CACNA2D3: variants seen among roughly 807,000 people sequenced by gnomAD.
The protein encoded by CACNA2D3 is calcium voltage-gated channel auxiliary subunit alpha2delta 3, also known as voltage-dependent calcium channel subunit alpha-2/delta-3.
Under a neutral mutation model 160.6 loss-of-function variants are expected in CACNA2D3, and 60 were observed. That is an observed-to-expected ratio of 0.37 (90% CI 0.30 to 0.46). The LOEUF (loss-of-function observed/expected upper bound fraction) is 0.46, where lower values mean the gene tolerates loss of function less well. Ranked by LOEUF, CACNA2D3 falls within the 20% of genes least tolerant of loss-of-function variation. The probability of loss-of-function intolerance (pLI) is 1.00; values close to 1 mark genes in which losing one functional copy is unlikely to be tolerated. For missense variants in CACNA2D3, 1,205 were observed against 1,365.0 expected (o/e 0.88, Z 1.85); for synonymous variants, 558 against 492.9 (o/e 1.13, Z -1.75).
intron 10 of CACNA2D3, among the ~76,000 whole-genome samples, chr3:54,637,086 C>T (rs1258240828): frequency 6.6e-6 from 1 of 151,942 alleles, no homozygotes; most frequent in Non-Finnish European, 1.5e-5. Flanking sequence ...AGGCACAGAT[C>T]CTGAACTAAC....
chr3:54,590,322 A>G (rs1291298164), intron 9 of CACNA2D3, among the ~76,000 whole-genome samples: 1 of 152,226 alleles, frequency 6.6e-6, no homozygotes, highest in South Asian at 2.1e-4. Flanking sequence ...AAAAAAGCCA[A>G]TATCAAAAGA....
intron 2 of CACNA2D3, among the ~76,000 whole-genome samples, chr3:54,287,730 C>G (rs1289452349): frequency 2.0e-5 from 3 of 146,618 alleles, no homozygotes; most frequent in Non-Finnish European, 3.0e-5. Context: ...AACTATCTCT[C>G]AGACCACAGT....
chr3:54,466,719 A>G (rs1270108417), intron 4 of CACNA2D3, among the ~76,000 whole-genome samples: 1 of 152,226 alleles, frequency 6.6e-6, no homozygotes, highest in East Asian at 1.9e-4. Flanking sequence ...CAATCTCATT[A>G]TAATGTTGTG....
chr3:55,073,707 C>A, intron 36 of CACNA2D3, 70 bp from the exon 37 acceptor site: 1 of 1,390,802 alleles, frequency 7.2e-7, no homozygotes, highest in Non-Finnish European at 1.0e-6. Context: ...TTGTCATTGC[C>A]AAATTTTGAC....
intron 5 of CACNA2D3, among the ~76,000 whole-genome samples, chr3:54,531,281 G>A (rs531468838): frequency 6.6e-6 from 1 of 152,294 alleles, no homozygotes; most frequent in Admixed American, 6.5e-5. Flanking sequence ...GATAAACTTG[G>A]GCCGGGACTT....
intron 2 of CACNA2D3, among the ~76,000 whole-genome samples, chr3:54,247,475 A>G (rs746138870): frequency 3.9e-5 from 6 of 152,262 alleles, no homozygotes; most frequent in Non-Finnish European, 8.8e-5. Context: ...GAAATAAAAA[A>G]TATTTTAGAA....
chr3:55,009,482 A>G (rs1328753909), intron 34 of CACNA2D3, 39 bp downstream of exon 34: 5 of 1,580,314 alleles, frequency 3.2e-6, no homozygotes, highest in African/African-American at 1.3e-5. Context: ...GCTTGGAGGG[A>G]TAAGCGCTGG....
rs574364402 is a variant in CACNA2D3, at chr3:54,567,252, A to G, written c.677-2543A>G. Among the ~76,000 whole-genome samples the G allele has an allele frequency of 3.3e-5, 5 of 152,320 alleles. No homozygotes were observed. The South Asian group carries it at 8.3e-4, about 25-fold the overall frequency. On this transcript the variant is annotated intron_variant, in intron 6 of 37. Coordinates refer to ENST00000474759, the MANE Select transcript of CACNA2D3 (RefSeq NM_018398.3). ...GTTTGACTGTAGCTTGACTCACATTAGAAGCCAGCATGTATTTTTGATCAG... is the reference window on the plus strand; with the variant it reads ...GTTTGACTGTAGCTTGACTCACATTGGAAGCCAGCATGTATTTTTGATCAG...
chr3:54,813,893 C>T (rs1343106465), intron 13 of CACNA2D3, among the ~76,000 whole-genome samples: 12 of 126,536 alleles, frequency 9.5e-5, no homozygotes, highest in Non-Finnish European at 9.5e-5. Context: ...GAGACAGGAT[C>T]TCACTCTGTC....
chr3:54,875,615 C>G (rs753850815), intron 18 of CACNA2D3: 3 of 152,194 alleles, frequency 2.0e-5, no homozygotes, highest in Non-Finnish European at 4.4e-5. Flanking sequence ...GAGTAGCAGA[C>G]TAACAATGAA....
intron 4 of CACNA2D3, among the ~76,000 whole-genome samples, chr3:54,391,073 C>T (rs543380688): frequency 2.4e-4 from 36 of 152,184 alleles, no homozygotes; most frequent in African/African-American, 7.7e-4. Context: ...TCTTAGCTTC[C>T]GTCTTCCCAA....
chr3:54,129,184 G>A (rs1044060042), intron 2 of CACNA2D3, among the ~76,000 whole-genome samples: 3 of 152,188 alleles, frequency 2.0e-5, no homozygotes, highest in African/African-American at 4.8e-5. Context: ...AAGCCCCTTC[G>A]ACAGCCCAGT....
intron 3 of CACNA2D3, among the ~76,000 whole-genome samples, chr3:54,384,832 G>T (rs1466930781): frequency 3.3e-5 from 5 of 152,012 alleles, no homozygotes; most frequent in African/African-American, 1.2e-4. Flanking sequence ...TGATTCTCCT[G>T]CCTCAGCCTC....
intron 17 of CACNA2D3, among the ~76,000 whole-genome samples, chr3:54,856,406 C>G (rs1293016723): frequency 6.6e-6 from 1 of 152,090 alleles, no homozygotes; most frequent in Non-Finnish European, 1.5e-5. Context: ...GGATGAGTTA[C>G]TTGCTCATTT....
At chr3:54,907,711 CAT>C (rs1388496106) in intron 27 of CACNA2D3, among the ~76,000 whole-genome samples, 2 of 152,162 alleles carry the variant, frequency 1.3e-5, no homozygotes, top group Admixed American at 6.5e-5. Flanking sequence ...CACACTTTCA[CAT>C]ACCTGTGCCT....
intron 29 of CACNA2D3, among the ~76,000 whole-genome samples, chr3:54,978,631 A>T (rs1702442953): frequency 6.6e-6 from 1 of 152,246 alleles, no homozygotes; most frequent in Non-Finnish European, 1.5e-5. Context: ...TATCCCAAGT[A>T]AACTAAATAA....
chr3:54,596,507 G>A (rs1175018528), intron 9 of CACNA2D3, among the ~76,000 whole-genome samples: 3 of 152,056 alleles, frequency 2.0e-5, no homozygotes, highest in Non-Finnish European at 2.9e-5. Flanking sequence ...GGGCTCTCAC[G>A]GACTAGTTAG....
At chr3:54,392,939 TAGA>T (rs1234846267) in intron 4 of CACNA2D3, among the ~76,000 whole-genome samples, 2 of 152,194 alleles carry the variant, frequency 1.3e-5, no homozygotes, top group African/African-American at 4.8e-5. Context: ...GATGGCTGGC[TAGA>T]AGAAGCCCTT....
chr3:54,169,184 C>T (rs919505641), intron 2 of CACNA2D3, among the ~76,000 whole-genome samples: 1 of 152,166 alleles, frequency 6.6e-6, no homozygotes, highest in Non-Finnish European at 1.5e-5. Flanking sequence ...AACAAACAAG[C>T]AGCTTTTCAG....
Sources: gnomAD v4.1 joint callset for allele counts (sites outside exome capture counted in the v4.1 genomes callset) on GRCh38, gnomAD v4.1.1 for gene constraint, MANE v1.5 for transcripts, NCBI Gene and HGNC (gene_info 2026-07-23, HGNC 2026-07-21) for gene names.